Variants in HMCN1 observed in about 807,000 individuals in gnomAD.
The protein encoded by HMCN1 is hemicentin 1, also known as hemicentin-1.
HMCN1 carries 321 observed loss-of-function variants against 625.9 expected under a neutral mutation model. The ratio of observed to expected loss-of-function variants is 0.51; its 90% confidence interval spans 0.47 to 0.56. The LOEUF (loss-of-function observed/expected upper bound fraction) is 0.56. Among genes scored for constraint, HMCN1 ranks in the 20% least tolerant of loss-of-function variants. The pLI is 0.00. For synonymous variants in HMCN1, 2,425 were observed against 2,417.6 expected, an observed-to-expected ratio of 1.00 and a Z score of -0.09; for missense variants, 6,588 against 6,887.3, an observed-to-expected ratio of 0.96 and a Z score of 1.54.
chr1:185,822,084 A>G (rs1182776359), intron 1 of HMCN1, among the ~76,000 whole-genome samples: 1 of 151,984 alleles, frequency 6.6e-6, no homozygotes, highest in Admixed American at 6.6e-5. Flanking sequence ...AGCACAGAGG[A>G]TTCTTGGGGC....
At chr1:185,907,513 G>T (rs1666163786) in intron 4 of HMCN1, among the ~76,000 whole-genome samples, 1 of 151,892 alleles carries the variant, frequency 6.6e-6, no homozygotes, top group Non-Finnish European at 1.5e-5. Context: ...GCACTTCACT[G>T]CAGCCAGATG....
intron 4 of HMCN1, among the ~76,000 whole-genome samples, chr1:185,900,567 A>ACATATATTGC (rs1275812695): frequency 1.3e-4 from 20 of 151,940 alleles, no homozygotes; most frequent in Non-Finnish European, 2.4e-4. Context: ...ACTGCCTAAA[A>ACATATATTGC]CATATATTGC....
Position 185,781,322 on chromosome 1 carries a change from G to T in HMCN1, c.268+46275G>T, listed in dbSNP as rs184267574. 8.5e-3 allele frequency among the ~76,000 whole-genome samples: 1,285 copies of T among 152,038 alleles called. 10 individuals carry two copies. Among genetic ancestry groups the T allele is most frequent in the Middle Eastern group, 0.027 (8 of 294 alleles). On this transcript the variant is annotated intron_variant, in intron 1 of 106. Coordinates refer to ENST00000271588, the MANE Select transcript of HMCN1 (RefSeq NM_031935.3). Reference sequence around the variant, plus strand: ...CAGCTCCTAGATTGATTAATTTTTTGAAGGTTTTTTTGTGTCTCTATCTCC... The same window carrying T: ...CAGCTCCTAGATTGATTAATTTTTTTAAGGTTTTTTTGTGTCTCTATCTCC...
At chr1:186,115,550 A>AT (rs556624035) in intron 75 of HMCN1, 136 bp downstream of exon 75, 1 of 807,574 alleles carries the variant, frequency 1.2e-6, no homozygotes, top group Non-Finnish European at 2.0e-6. Flanking sequence ...TTTTTCCTTA[A>AT]TATGGACTTA....
At position 186,178,502 on chromosome 1, in the gene HMCN1, G is replaced by A. The variant is rs1652738338; in HGVS notation, c.16030G>A (p.Gly5344Arg). The A allele has an allele frequency of 6.2e-7, 1 of 1,613,932 alleles. No homozygotes were observed. The highest frequency in any genetic ancestry group is 1.3e-5 in the African/African-American group (1 of 74,890). Residue 5344 changes from glycine to arginine, a missense_variant, in exon 104 of 107, where the codon GGA becomes AGA. Transcript: ENST00000271588. ...CAGCTTCAAGTGTATCTGTCCACCA[G>A]GACAACATTTATTAGGGGACGGGAA... Reference protein sequence around the residue: ...PGSFKCICPPGQHLLGDGKSC... With the variant: ...PGSFKCICPPRQHLLGDGKSC...
intron 25 of HMCN1, among the ~76,000 whole-genome samples, chr1:185,998,240 C>T (rs2102055759): frequency 6.6e-6 from 1 of 152,196 alleles, no homozygotes; most frequent in East Asian, 1.9e-4. Context: ...GTAGTCTTTC[C>T]ATAACCTCCT....
Position 186,016,978 on chromosome 1 carries a change from A to C in HMCN1, c.5207A>C (p.Glu1736Ala). Residue 1736 changes from glutamate to alanine, a missense_variant, in exon 33 of 107, where the codon GAA (glutamate) becomes GCA (alanine). Glu to Ala is a moderately radical substitution (Grantham distance 107). Around this residue, in one of 3 missense-constraint regions of HMCN1, gnomAD observed 4,628 missense variants for 4,853.1 expected, o/e 0.95. Transcript: ENST00000271588. The stretch of plus-strand genomic sequence containing the variant: ...TGTTTTCTAGTGCCACCAGCTATAG[A>C]AGGAGGAGATGAAACATCTTACTTC... ...EVDVLVPPAI[E>A]GGDETSYFIV... The C allele has an allele frequency of 1.3e-6, 2 of 1,598,544 alleles. No homozygotes were observed. Among genetic ancestry groups the C allele is most frequent in the Non-Finnish European group, 1.7e-6 (2 of 1,166,202 alleles).
Position 185,864,471 on chromosome 1 carries a change from G to C in HMCN1, c.341G>C (p.Gly114Ala). 1 of 1,613,686 alleles carries C rather than the reference G, an allele frequency of 6.2e-7. No individual in the cohort carries two copies. The highest frequency in any genetic ancestry group is 8.5e-7 in the Non-Finnish European group (1 of 1,179,704). Reference protein sequence around the residue: ...QYELRELYVQGGGDCPEMSIG... With the variant: ...QYELRELYVQAGGDCPEMSIG... ...TGAATTTTTCTCTCCACTCAACAGG[G>C]TGGTGGTGATTGCCCAGAAATGAGT... The change falls in exon 3 of 107, where the codon GGT (glycine) becomes GCT (alanine). Residue 114 changes from glycine to alanine, a missense_variant and splice_region_variant. This residue lies in a region of HMCN1 where 4,628 missense variants were observed against 4,853.1 expected (regional missense o/e 0.95). Transcript: ENST00000271588.
At chr1:185,986,678 G>T (rs367566709) in intron 19 of HMCN1, among the ~76,000 whole-genome samples, 75 of 151,868 alleles carry the variant, frequency 4.9e-4, no homozygotes, top group African/African-American at 1.7e-3. Flanking sequence ...TATTGACTTA[G>T]AATCCTTTTA....
At chr1:186,127,885 C>T (rs1190324701) in intron 82 of HMCN1, among the ~76,000 whole-genome samples, 193 bp from the exon 83 acceptor site, 1 of 152,026 alleles carries the variant, frequency 6.6e-6, no homozygotes, top group Non-Finnish European at 1.5e-5. Context: ...AAGGTATGGG[C>T]TTATGTTTAA....
At chr1:186,148,418 A>G (rs1650460172) in intron 93 of HMCN1, among the ~76,000 whole-genome samples, 5 of 152,210 alleles carry the variant, frequency 3.3e-5, no homozygotes. Flanking sequence ...GGCATCTAGA[A>G]TGATGAATTC....
Position 186,086,419 on chromosome 1 carries a change from C to T in HMCN1, c.9046+12C>T, listed in dbSNP as rs774842742. The T allele has an allele frequency of 2.5e-6, 4 of 1,612,346 alleles. No homozygotes were observed. In the Admixed American group the frequency reaches 6.7e-5, roughly 27 times the overall value. ...TCTCATTGTGCCTGGTAAGGAACTTCTTATTATAAAGCAGGCAAAATTTTC... is the reference window on the plus strand; with the variant it reads ...TCTCATTGTGCCTGGTAAGGAACTTTTTATTATAAAGCAGGCAAAATTTTC... On this transcript the variant is annotated intron_variant, in intron 58 of 106. Transcript: ENST00000271588.
chr1:185,934,101 A>C (rs1667696943), intron 11 of HMCN1, among the ~76,000 whole-genome samples: 1 of 152,214 alleles, frequency 6.6e-6, no homozygotes, highest in South Asian at 2.1e-4. Context: ...CTGGATAAAT[A>C]GTTTTAAATT....
chr1:186,105,442 G>A lies in HMCN1; in HGVS notation c.10771-1442G>A, dbSNP rs185021925. The stretch of plus-strand genomic sequence containing the variant: ...TACTTATGCCTGGTACATTATGGAT[G>A]TGGATGCTTTGCAAATTGCGAATTG... On this transcript the variant is annotated intron_variant, in intron 69 of 106. Transcript: ENST00000271588. Among the ~76,000 whole-genome samples, 32 of 152,288 alleles carry A rather than the reference G, an allele frequency of 2.1e-4. No individual in the cohort carries two copies. The East Asian group carries it at 6.0e-3, about 28-fold the overall frequency.
In HMCN1 at chr1:185,860,020, G is replaced by A. The variant is rs180682357; in HGVS notation, c.340-4450G>A. Among the ~76,000 whole-genome samples, 618 of 152,004 alleles carry A rather than the reference G, an allele frequency of 4.1e-3. 2 individuals are homozygous for A. The highest frequency in any genetic ancestry group is 0.014 in the African/African-American group (589 of 41,448). ...TGTGATTTAAAATTATTAGAAAACC[G>A]AACTGAAATATCAGATAGAGAGCTT... On this transcript the variant is annotated intron_variant, in intron 2 of 106. Transcript: ENST00000271588.
rs573496151 is a variant in HMCN1 at position 185,967,209 on chromosome 1, A to G, written c.2212+1294A>G. On this transcript the variant is annotated intron_variant, in intron 14 of 106. Coordinates refer to ENST00000271588, the MANE Select transcript of HMCN1 (RefSeq NM_031935.3). Reference sequence around the variant, plus strand: ...ATTCAAAAAAGTAATGGAAATGCCAACTTCTATATATGTGTATATAGCAGA... The same window carrying G: ...ATTCAAAAAAGTAATGGAAATGCCAGCTTCTATATATGTGTATATAGCAGA... Among the ~76,000 whole-genome samples the G allele has an allele frequency of 5.9e-5, 9 of 152,248 alleles. No homozygotes were observed. In the East Asian group the frequency reaches 1.7e-3, roughly 29 times the overall value.
intron 15 of HMCN1, among the ~76,000 whole-genome samples, chr1:185,976,140 TAGAGAGGGA>T (rs1258667651): frequency 1.3e-5 from 2 of 152,160 alleles, no homozygotes; most frequent in African/African-American, 4.8e-5. Flanking sequence ...TCTGAAACTT[TAGAGAGGGA>T]AGAAATCATG....
At chr1:186,161,287 A>T (rs1651457377) in intron 97 of HMCN1, among the ~76,000 whole-genome samples, 1 of 151,750 alleles carries the variant, frequency 6.6e-6, no homozygotes, top group Non-Finnish European at 1.5e-5. Context: ...ATCTTCCTCC[A>T]TCCCTTTATT....
At chr1:186,180,324 A>G (rs1652858710) in intron 104 of HMCN1, among the ~76,000 whole-genome samples, 1 of 152,130 alleles carries the variant, frequency 6.6e-6, no homozygotes, top group African/African-American at 2.4e-5. Flanking sequence ...AGTCATCCCC[A>G]CTAGAGGGTT....
Sources: gnomAD v4.1 joint callset for allele counts (sites outside exome capture counted in the v4.1 genomes callset) on GRCh38, gnomAD v4.1.1 for gene constraint, gnomAD v4.1.1 regional missense constraint, MANE v1.5 for transcripts, NCBI Gene and HGNC (gene_info 2026-07-23, HGNC 2026-07-21) for gene names.